HMGB1: variants seen among roughly 807,000 people sequenced by gnomAD.
HMGB1 encodes high mobility group box 1.
For synonymous variants in HMGB1, 81 were observed against 84.0 expected (o/e 0.96, Z 0.19); for missense variants, 79 against 253.5 (o/e 0.31, Z 4.67).
At chr13:30,481,622 G>T (rs1220186715) in intron 1 of HMGB1, among the ~76,000 whole-genome samples, 4 of 152,192 alleles carry the variant, frequency 2.6e-5, no homozygotes, top group Non-Finnish European at 4.4e-5. Context: ...GGCTCCCCCG[G>T]TGGGGCAAAA....
intron 1 of HMGB1, among the ~76,000 whole-genome samples, chr13:30,580,653 G>A (rs1219405000): frequency 1.3e-5 from 2 of 152,100 alleles, no homozygotes; most frequent in Non-Finnish European, 2.9e-5. Flanking sequence ...TTTATATCAG[G>A]CATTTTTTTC....
intron 1 of HMGB1, among the ~76,000 whole-genome samples, chr13:30,591,862 T>C (rs1871386675): frequency 6.6e-6 from 1 of 152,178 alleles, no homozygotes; most frequent in African/African-American, 2.4e-5. Flanking sequence ...CTAAGTAATC[T>C]CTATTTCATT....
intron 1 of HMGB1, among the ~76,000 whole-genome samples, chr13:30,509,143 G>T (rs1370068351): frequency 1.3e-5 from 2 of 152,078 alleles, no homozygotes; most frequent in Non-Finnish European, 2.9e-5. Flanking sequence ...TCACCATTTT[G>T]CCCAGGCTGG....
At chr13:30,530,316 T>C (rs1593293323) in intron 1 of HMGB1, among the ~76,000 whole-genome samples, 1 of 152,228 alleles carries the variant, frequency 6.6e-6, no homozygotes, top group South Asian at 2.1e-4. Flanking sequence ...TATCTCATTA[T>C]GTATATGCAA....
chr13:30,528,637 C>T (rs956743301), intron 1 of HMGB1, among the ~76,000 whole-genome samples: 3 of 152,080 alleles, frequency 2.0e-5, no homozygotes, highest in Non-Finnish European at 4.4e-5. Flanking sequence ...GGCATGACAT[C>T]CATAGAGAAC....
chr13:30,558,389 T>C lies in HMGB1; in HGVS notation c.-15+58282A>G, dbSNP rs74355258. ...GCTGAATTTTAAGAACTAGTGTCTA[T>C]ATCTTACATCTCATTCTTAGCCAAA... On this transcript the variant is annotated intron_variant, in intron 1 of 4. Transcript: ENST00000405805. Among the ~76,000 whole-genome samples, 644 of 152,368 alleles carry C rather than the reference T, an allele frequency of 4.2e-3. 8 individuals carry two copies. The highest frequency in any genetic ancestry group is 0.014 in the African/African-American group (600 of 41,590).
intron 1 of HMGB1, among the ~76,000 whole-genome samples, chr13:30,596,242 A>C (rs1871605121): frequency 6.6e-6 from 1 of 152,220 alleles, no homozygotes; most frequent in Non-Finnish European, 1.5e-5. Context: ...TATATAAAGA[A>C]AGACTTACAA....
intron 1 of HMGB1, among the ~76,000 whole-genome samples, chr13:30,574,024 C>T (rs1870544336): frequency 1.3e-5 from 2 of 152,144 alleles, no homozygotes; most frequent in Admixed American, 1.3e-4. Flanking sequence ...TCAAGACTAT[C>T]AGACATGCAA....
intron 1 of HMGB1, among the ~76,000 whole-genome samples, chr13:30,596,997 C>T (rs1871641044): frequency 6.6e-6 from 1 of 152,198 alleles, no homozygotes; most frequent in African/African-American, 2.4e-5. Context: ...TGCTCCTAGA[C>T]AGCTGTATGA....
chr13:30,465,760 G>A (rs1243982428), intron 1 of HMGB1, 36 bp downstream of exon 1: 1 of 981,192 alleles, frequency 1.0e-6, no homozygotes, highest in Non-Finnish European at 1.2e-6. Flanking sequence ...AGCTGCCGGA[G>A]GCGCTCTCCC....
chr13:30,463,818 CGTAAAATCAGACAAGAAT>C, intron 1 of HMGB1, 124 bp from the exon 2 acceptor site: 1 of 625,880 alleles, frequency 1.6e-6, no homozygotes, highest in Non-Finnish European at 2.6e-6. Context: ...CATCAACCTC[CGTAAAATCAGACAAGAAT>C]ATGGCCGAGA....
intron 1 of HMGB1, among the ~76,000 whole-genome samples, chr13:30,561,225 G>A (rs1009316991): frequency 6.6e-6 from 1 of 152,212 alleles, no homozygotes; most frequent in South Asian, 2.1e-4. Flanking sequence ...TTTCAGAAAG[G>A]AGGGAATGGT....
chr13:30,505,458 GTA>G (rs1887839944), intron 1 of HMGB1, among the ~76,000 whole-genome samples: 5 of 152,138 alleles, frequency 3.3e-5, no homozygotes, highest in South Asian at 4.2e-4. Flanking sequence ...GATTACAGGT[GTA>G]AGCCACCGCG....
Position 30,464,004 on chromosome 13 carries a change from T to TAA in HMGB1, c.-14-312_-14-311dup, listed in dbSNP as rs41497949. ...CTGAATGAGTATCTAACTGGTCACT[T>TAA]AAACGATTTTAAAATCTAGAACACC... On this transcript the variant is annotated intron_variant, in intron 1 of 4. Transcript: ENST00000341423. 3.2e-3 allele frequency: 2,137 copies of TAA among 664,568 alleles called. 13 individuals carry two copies. Among genetic ancestry groups the TAA allele is most frequent in the Middle Eastern group, 0.025 (34 of 1,378 alleles). 41.2% of individuals were successfully genotyped at this position (664,568 alleles called of 1,614,324 possible).
intron 1 of HMGB1, among the ~76,000 whole-genome samples, chr13:30,517,575 G>C (rs1020573202): frequency 2.0e-5 from 3 of 152,146 alleles, no homozygotes; most frequent in Non-Finnish European, 4.4e-5. Flanking sequence ...TGTATTTTTA[G>C]TAGAGATGGG....
At chr13:30,590,501 C>A (rs1229572401) in intron 1 of HMGB1, among the ~76,000 whole-genome samples, 1 of 152,044 alleles carries the variant, frequency 6.6e-6, no homozygotes, top group African/African-American at 2.4e-5. Context: ...CCACGCCCGG[C>A]CTAAACTTAA....
intron 1 of HMGB1, among the ~76,000 whole-genome samples, chr13:30,561,254 C>T (rs1233312067): frequency 6.6e-6 from 1 of 152,100 alleles, no homozygotes; most frequent in South Asian, 2.1e-4. Context: ...ACTTTCTAGT[C>T]TGGAGCTCAG....
chr13:30,514,673 C>T (rs1888063762), intron 1 of HMGB1, among the ~76,000 whole-genome samples: 1 of 151,598 alleles, frequency 6.6e-6, no homozygotes, highest in African/African-American at 2.4e-5. Flanking sequence ...GTTCCTCAGG[C>T]TGCAGTACAG....
chr13:30,549,580 G>A (rs892910099), intron 1 of HMGB1, among the ~76,000 whole-genome samples: 6 of 152,020 alleles, frequency 3.9e-5, no homozygotes, highest in Admixed American at 3.9e-4. Flanking sequence ...GTGTGTGTAG[G>A]GACAGGGCTT....
Sources: gnomAD v4.1 joint callset for allele counts (sites outside exome capture counted in the v4.1 genomes callset) on GRCh38, gnomAD v4.1.1 for gene constraint, MANE v1.5 for transcripts, NCBI Gene and HGNC (gene_info 2026-07-23, HGNC 2026-07-21) for gene names.